Variants in USP53 observed in about 807,000 individuals in gnomAD.
USP53 encodes the protein ubiquitin specific peptidase 53.
USP53 carries 71 observed loss-of-function variants against 94.9 expected under a neutral mutation model. The observed-to-expected ratio is 0.75, with a 90% CI of 0.62 to 0.91. USP53 has a LOEUF of 0.91. USP53 is among the 40% of genes least tolerant of loss of function. The probability of loss-of-function intolerance (pLI) is 0.00; values close to 1 mark genes in which losing one functional copy is unlikely to be tolerated. For missense variants in USP53, 1,173 were observed against 1,281.0 expected, an observed-to-expected ratio of 0.92 and a Z score of 1.29; for synonymous variants, 375 against 422.7, an observed-to-expected ratio of 0.89 and a Z score of 1.39.
chr4:119,249,649 A>G (rs1342201956), intron 7 of USP53, among the ~76,000 whole-genome samples: 7 of 135,040 alleles, frequency 5.2e-5, no homozygotes, highest in Non-Finnish European at 1.6e-5. Flanking sequence ...CAACCTGTTT[A>G]TTTATGTCCT....
chr4:119,230,970 A>T (rs1336542282), intron 3 of USP53, among the ~76,000 whole-genome samples: 1 of 152,196 alleles, frequency 6.6e-6, no homozygotes, highest in Non-Finnish European at 1.5e-5. Flanking sequence ...TCACTGTGGC[A>T]TATCTGCACA....
At chr4:119,281,572 A>C (rs992634916) in intron 17 of USP53, among the ~76,000 whole-genome samples, 2 of 152,232 alleles carry the variant, frequency 1.3e-5, no homozygotes, top group African/African-American at 4.8e-5. Context: ...TTGGTAACCA[A>C]GTATTACAGG....
chr4:119,259,845 AG>A lies in USP53; in HGVS notation c.597del (p.Arg199SerfsTer34). 6.2e-7 allele frequency: 1 copy of A among 1,610,650 alleles called. No homozygotes were observed. The highest frequency in any genetic ancestry group is 8.5e-7 in the Non-Finnish European group (1 of 1,178,366). ...LCNEVERMLE[R>X]HERFKPEMFA... ...CAATGAGGTTGAAAGAATGTTGGAA[AG>A]GCATGAACGCTTTAAACCTGAAATG... On this transcript the variant is annotated frameshift_variant, in exon 10 of 19. Coordinates refer to ENST00000692078, the MANE Select transcript of USP53 (RefSeq NM_001371395.1). LOFTEE classifies it high-confidence loss of function.
At chr4:119,230,495 G>T (rs1203372161) in intron 3 of USP53, among the ~76,000 whole-genome samples, 1 of 152,162 alleles carries the variant, frequency 6.6e-6, no homozygotes, top group African/African-American at 2.4e-5. Flanking sequence ...TAATGCCTTA[G>T]TGTCCATGAC....
At chr4:119,256,868 T>C (rs900234441) in intron 9 of USP53, among the ~76,000 whole-genome samples, 3 of 152,198 alleles carry the variant, frequency 2.0e-5, no homozygotes, top group African/African-American at 7.2e-5. Context: ...CTGTTTGTAA[T>C]GGCCATATTT....
At chr4:119,257,705 G>A (rs765241924) in intron 9 of USP53, among the ~76,000 whole-genome samples, 6 of 151,984 alleles carry the variant, frequency 3.9e-5, no homozygotes, top group Admixed American at 6.6e-5. Context: ...TAACAATTTC[G>A]TTATTTGGGT....
intron 17 of USP53, among the ~76,000 whole-genome samples, chr4:119,279,643 C>T (rs1753210430): frequency 6.6e-6 from 1 of 152,012 alleles, no homozygotes; most frequent in African/African-American, 2.4e-5. Context: ...TTCGAGCTTC[C>T]TGGCTGCTTT....
intron 3 of USP53, chr4:119,218,033 A>T (rs1406416792): frequency 1.3e-5 from 2 of 152,224 alleles, no homozygotes; most frequent in Non-Finnish European, 2.9e-5. Flanking sequence ...TAAAGGGTAG[A>T]AGCCAGGAGA....
At chr4:119,280,056 G>C (rs913833477) in intron 17 of USP53, among the ~76,000 whole-genome samples, 4 of 152,156 alleles carry the variant, frequency 2.6e-5, no homozygotes, top group African/African-American at 9.6e-5. Context: ...GAAATCACCC[G>C]TCTTCTGCGT....
chr4:119,247,430 C>A (rs1451885634), intron 6 of USP53, among the ~76,000 whole-genome samples: 2 of 152,122 alleles, frequency 1.3e-5, no homozygotes, highest in Admixed American at 1.3e-4. Context: ...GTTACTTTTC[C>A]ATTAGTGAGG....
rs1210621909 is a variant in USP53, at chr4:119,292,464, C to G, written c.2475C>G (p.Cys825Trp). The G allele has an allele frequency of 6.2e-7, 1 of 1,613,922 alleles. No homozygotes were observed. The highest frequency in any genetic ancestry group is 1.3e-5 in the African/African-American group (1 of 75,022). Residue 825 changes from cysteine to tryptophan, a missense_variant, in exon 19 of 19, where the codon TGC (cysteine) becomes TGG (tryptophan). Physicochemically the swap from Cys to Trp is radical, Grantham distance 215. Transcript: ENST00000692078. The part of the protein sequence containing the change: ...DEQKLEKPNE[C>W]KFSEWLNIEN... ...AGAAACTTGAAAAACCGAATGAATG[C>G]AAATTTTCTGAGTGGCTTAATATAG...
chr4:119,273,585 G>A, intron 16 of USP53, 47 bp from the exon 17 acceptor site: 1 of 1,407,762 alleles, frequency 7.1e-7, no homozygotes, highest in Non-Finnish European at 9.9e-7. Flanking sequence ...ACTAAACAAA[G>A]GCAGTCCATA....
rs995512755 is a variant in USP53 at position 119,294,144 on chromosome 4, G to A, written c.*933G>A. The A allele has an allele frequency of 2.6e-5, 4 of 152,016 alleles. No homozygotes were observed. The highest frequency in any genetic ancestry group is 4.4e-5 in the Non-Finnish European group (3 of 67,946). The allele number at this position is 152,016 out of a possible 1,614,324, so 9.4% of individuals were successfully genotyped here. ...TTACTTTGGGCTGCTAACCACCAGT[G>A]TTAGGAATTAATGTAGGGCACCCTC... On this transcript the variant is annotated 3_prime_UTR_variant, in exon 19 of 19. Transcript: ENST00000692078.
rs1310178405 is a variant in USP53, at chr4:119,254,151, T to C, written c.373-2095T>C. ...CCTTCCTCTCTGGCTGCCCTTAACA[T>C]TTTTTCCTGCATTTCAATCTTGGTG... On this transcript the variant is annotated intron_variant, in intron 7 of 18. Transcript: ENST00000692078. 3.9e-5 allele frequency among the ~76,000 whole-genome samples: 6 copies of C among 152,206 alleles called. No individual in the cohort carries two copies. In the East Asian group the frequency reaches 1.2e-3, roughly 29 times the overall value.
At chr4:119,218,787 G>T (rs567842559) in intron 3 of USP53, 1 of 151,730 alleles carries the variant, frequency 6.6e-6, no homozygotes, top group Non-Finnish European at 1.5e-5. Context: ...GAGTTTTTTT[G>T]TATTACTTCA....
In USP53 at chr4:119,271,402, A is replaced by C; in HGVS notation, c.1542A>C (p.Gly514=). 6.2e-7 allele frequency: 1 copy of C among 1,613,982 alleles called. No homozygotes were observed. Among genetic ancestry groups the C allele is most frequent in the South Asian group, 1.1e-5 (1 of 91,004 alleles). ...ATCTATATCATAGTCAAGGAAAAGG[A>C]TCATATAAACATGACCGAGTTGTAC... ...NPHLYHSQGK[G]SYKHDRVVPQ... The change falls in exon 16 of 19, where the codon GGA becomes GGC. Residue 514 remains glycine (G), a synonymous_variant. Coordinates refer to ENST00000692078, the MANE Select transcript of USP53 (RefSeq NM_001371395.1).
Position 119,293,517 on chromosome 4 carries a change from C to T in USP53, c.*306C>T, listed in dbSNP as rs181511594. On this transcript the variant is annotated 3_prime_UTR_variant, in exon 19 of 19. Transcript: ENST00000692078. ...AGAAATTCCCTTTGAATAGTCTTGG[C>T]GTGCCGTGAAAAATAGAAAATCAGG... 1.4e-4 allele frequency: 31 copies of T among 215,494 alleles called. No individual in the cohort carries two copies. The East Asian group carries it at 2.4e-3, about 16-fold the overall frequency. The allele number at this position is 215,494 out of a possible 1,614,324, so 13.3% of individuals were successfully genotyped here. A position where few individuals can be genotyped will look rare whatever the true frequency, so the allele number is the denominator to read the frequency against.
intron 9 of USP53, among the ~76,000 whole-genome samples, chr4:119,258,963 G>A (rs1430209363): frequency 6.6e-6 from 1 of 152,108 alleles, no homozygotes; most frequent in African/African-American, 2.4e-5. Flanking sequence ...TGTATTAAAA[G>A]GCCTGCCTGG....
chr4:119,214,677 C>A (rs890807770), intron 2 of USP53, among the ~76,000 whole-genome samples: 1 of 149,316 alleles, frequency 6.7e-6, no homozygotes, highest in African/African-American at 2.5e-5. Context: ...GATTCAAGTT[C>A]TTTTATATTG....
Sources: allele counts gnomAD v4.1 joint callset (sites outside exome capture counted in the v4.1 genomes callset), GRCh38; gene constraint gnomAD v4.1.1; transcripts MANE v1.5; gene names NCBI Gene and HGNC (gene_info 2026-07-23, HGNC 2026-07-21).